Variants in ZNHIT6 observed in about 807,000 individuals in gnomAD.
ZNHIT6 encodes box C/D snoRNA protein 1.
Under a neutral mutation model 57.2 loss-of-function variants are expected in ZNHIT6, and 45 were observed. That is an observed-to-expected ratio of 0.79 (90% CI 0.62 to 1.01). ZNHIT6 has a LOEUF of 1.01. ZNHIT6 is among the 50% of genes least tolerant of loss of function. The pLI is 0.00. For synonymous variants in ZNHIT6, 188 were observed against 190.0 expected, an observed-to-expected ratio of 0.99 and a Z score of 0.09; for missense variants, 528 against 567.3, an observed-to-expected ratio of 0.93 and a Z score of 0.70.
At chr1:85,677,819 C>G (rs1033982428) in intron 7 of ZNHIT6, among the ~76,000 whole-genome samples, 1 of 152,184 alleles carries the variant, frequency 6.6e-6, no homozygotes, top group Non-Finnish European at 1.5e-5. Context: ...TGGAACCAAA[C>G]CAAGCACTCA....
At chr1:85,685,527 C>T (rs1240305308) in intron 5 of ZNHIT6, among the ~76,000 whole-genome samples, 1 of 152,112 alleles carries the variant, frequency 6.6e-6, no homozygotes, top group Non-Finnish European at 1.5e-5. Context: ...TAATTTTTAC[C>T]TACGAATATG....
chr1:85,706,767 T>C (rs1662696784), intron 1 of ZNHIT6, among the ~76,000 whole-genome samples: 1 of 152,244 alleles, frequency 6.6e-6, no homozygotes, highest in Admixed American at 6.5e-5. Context: ...TTTTCTACTA[T>C]AATCAGGGAA....
intron 5 of ZNHIT6, among the ~76,000 whole-genome samples, chr1:85,692,598 C>T (rs1662250783): frequency 6.6e-6 from 1 of 152,108 alleles, no homozygotes; most frequent in Non-Finnish European, 1.5e-5. Flanking sequence ...CAGCAAAATC[C>T]ACTTGTCTCC....
At chr1:85,682,742 A>C (rs111463139) in intron 5 of ZNHIT6, among the ~76,000 whole-genome samples, 8 of 152,378 alleles carry the variant, frequency 5.3e-5, no homozygotes, top group African/African-American at 1.9e-4. Flanking sequence ...AAAGAAAAAC[A>C]GAATAATGTA....
intron 8 of ZNHIT6, 76 bp from the exon 9 acceptor site, chr1:85,658,047 G>T: frequency 9.8e-7 from 1 of 1,022,122 alleles, no homozygotes; most frequent in Non-Finnish European, 1.4e-6. Flanking sequence ...ATATATGAGA[G>T]TATTTTACAT....
intron 8 of ZNHIT6, among the ~76,000 whole-genome samples, chr1:85,660,566 G>C (rs966680189): frequency 4.6e-5 from 7 of 151,450 alleles, no homozygotes; most frequent in African/African-American, 1.7e-4. Context: ...TATGTTCCTA[G>C]CAGAGGAATG....
At chr1:85,669,667 T>A (rs549900667) in intron 8 of ZNHIT6, among the ~76,000 whole-genome samples, 1 of 152,322 alleles carries the variant, frequency 6.6e-6, no homozygotes, top group East Asian at 1.9e-4. Flanking sequence ...TTCTTGGCTT[T>A]ACAAGAAAAA....
chr1:85,698,727 C>A (rs1662449426), intron 5 of ZNHIT6, among the ~76,000 whole-genome samples: 1 of 152,080 alleles, frequency 6.6e-6, no homozygotes, highest in Admixed American at 6.5e-5. Flanking sequence ...TTTTTAACTC[C>A]TTCAGCAGCA....
chr1:85,706,204 C>T, intron 3 of ZNHIT6, 41 bp from the exon 4 acceptor site: 4 of 1,610,514 alleles, frequency 2.5e-6, no homozygotes, highest in Non-Finnish European at 8.5e-7. Flanking sequence ...GTGACATATA[C>T]CAATGGCCAG....
At chr1:85,670,141 A>AT (rs991700392) in intron 8 of ZNHIT6, among the ~76,000 whole-genome samples, 9 of 128,134 alleles carry the variant, frequency 7.0e-5, no homozygotes, top group South Asian at 2.3e-4. Context: ...ATGTAAACCA[A>AT]TAAAAAAAAC....
chr1:85,649,986 C>T lies in ZNHIT6; in HGVS notation c.*4072G>A, dbSNP rs1660861443. On this transcript the variant is annotated 3_prime_UTR_variant, in exon 10 of 10. Transcript: ENST00000370574. ...CTGAACTTTACTCCTTCTGTTAGTA[C>T]AAATCAGAAACTTCTTGCTACTCAA... The T allele has an allele frequency of 6.6e-6, 1 of 152,164 alleles. No homozygotes were observed. The highest frequency in any genetic ancestry group is 1.5e-5 in the Non-Finnish European group (1 of 68,032). The allele number at this position is 152,164 out of a possible 1,614,324, so 9.4% of individuals were successfully genotyped here.
In ZNHIT6 at chr1:85,707,659, A is replaced by C. The variant is rs945749909; in HGVS notation, c.626T>G (p.Val209Gly). 1 of 1,559,886 alleles carries C rather than the reference A, an allele frequency of 6.4e-7. No homozygotes were observed. Residue 209 changes from valine (V) to glycine (G), a missense_variant, in exon 1 of 10, where the codon GTG becomes GGG. Val to Gly is a moderately radical substitution (Grantham distance 109, BLOSUM62 -3). Coordinates refer to ENST00000370574, the MANE Select transcript of ZNHIT6 (RefSeq NM_017953.4). ...VKEEPPINHP[V>G]GCKRKLAMSR... is the part of the protein sequence containing the mutation. Reference sequence around the variant, plus strand: ...CATGGCCAGTTTCCGCTTGCAGCCCACCGGGTGATTTATCGGAGGCTCTTC... The same window carrying C: ...CATGGCCAGTTTCCGCTTGCAGCCCCCCGGGTGATTTATCGGAGGCTCTTC...
chr1:85,699,725 A>C (rs1460584607), intron 5 of ZNHIT6, among the ~76,000 whole-genome samples: 2 of 152,108 alleles, frequency 1.3e-5, no homozygotes, highest in East Asian at 3.9e-4. Context: ...TTGATCCTAC[A>C]AAAAAAAGTC....
At chr1:85,692,942 T>C (rs1009742144) in intron 5 of ZNHIT6, among the ~76,000 whole-genome samples, 1 of 152,188 alleles carries the variant, frequency 6.6e-6, no homozygotes, top group African/African-American at 2.4e-5. Context: ...CTAAAACAGA[T>C]TGAAGCTCTT....
chr1:85,700,892 C>T (rs140350565), intron 5 of ZNHIT6, among the ~76,000 whole-genome samples: 148 of 152,178 alleles, frequency 9.7e-4, no homozygotes, highest in African/African-American at 3.3e-3. Flanking sequence ...CTGCAACCTC[C>T]GCCTCCTGTG....
chr1:85,667,961 A>AAAAAAAAATATAT, intron 8 of ZNHIT6, among the ~76,000 whole-genome samples: 1 of 18,202 alleles, frequency 5.5e-5, no homozygotes, highest in Admixed American at 6.7e-4. Flanking sequence ...AAAAAAAAAA[A>AAAAAAAAATATAT]ATATATATAT....
intron 8 of ZNHIT6, among the ~76,000 whole-genome samples, chr1:85,659,706 T>C (rs1056419876): frequency 2.0e-5 from 3 of 152,228 alleles, no homozygotes. Context: ...AGAAATGTGA[T>C]GTAGTGATTT....
At chr1:85,664,353 T>A (rs79225524) in intron 8 of ZNHIT6, among the ~76,000 whole-genome samples, 1 of 152,176 alleles carries the variant, frequency 6.6e-6, no homozygotes, top group Non-Finnish European at 1.5e-5. Flanking sequence ...AATACAGTGA[T>A]TGCACTGTGA....
chr1:85,676,118 CCT>C, intron 8 of ZNHIT6, among the ~76,000 whole-genome samples: 1 of 152,172 alleles, frequency 6.6e-6, no homozygotes. Context: ...AGGCAGATCA[CCT>C]GAGGTCGGGA....
Sources: allele counts gnomAD v4.1 joint callset (sites outside exome capture counted in the v4.1 genomes callset), GRCh38; gene constraint gnomAD v4.1.1; transcripts MANE v1.5; gene names NCBI Gene and HGNC (gene_info 2026-07-23, HGNC 2026-07-21).